CDH26: variants seen among roughly 807,000 people sequenced by gnomAD.
CDH26 encodes cadherin-like protein 26.
Under a neutral mutation model 90.3 loss-of-function variants are expected in CDH26, and 83 were observed. That is an observed-to-expected ratio of 0.92 (90% CI 0.77 to 1.10). The LOEUF is 1.10. Among genes scored for constraint, CDH26 ranks in the 50% least tolerant of loss-of-function variants. The pLI is 0.00. For missense variants in CDH26, 1,013 were observed against 1,037.6 expected (o/e 0.98, Z 0.33); for synonymous variants, 397 against 396.3 (o/e 1.00, Z -0.02).
chr20:59,966,676 T>C (rs146520441), intron 1 of CDH26, among the ~76,000 whole-genome samples: 1,676 of 152,308 alleles, frequency 0.011, 11 homozygotes, highest in South Asian at 0.046. Flanking sequence ...GACAGCAAAA[T>C]AGGCAAACAA....
chr20:59,992,333 T>A lies in CDH26; in HGVS notation c.1284-45T>A. On this transcript the variant is annotated intron_variant, in intron 9 of 17. Transcript: ENST00000348616. This position sits in a 1 kb window ranked among gnomAD's most constrained non-coding sequence, Gnocchi z 5.0. ...TATGCAACTTTTTTATCTTTTAATG[T>A]AAGTTTTTAATTTTAAAAATTGCTG... is the stretch of plus-strand genomic sequence containing the variant. 6.3e-7 allele frequency: 1 copy of A among 1,577,108 alleles called. No individual in the cohort carries two copies. The highest frequency in any genetic ancestry group is 8.6e-7 in the Non-Finnish European group (1 of 1,163,074).
intron 4 of CDH26, among the ~76,000 whole-genome samples, chr20:59,980,800 T>C (rs1460234524): frequency 6.6e-6 from 1 of 152,256 alleles, no homozygotes; most frequent in Non-Finnish European, 1.5e-5. Context: ...TTTTCTCTTC[T>C]GGATCATGTT....
At chr20:60,035,449 T>C (rs1268671472), downstream of CDH26, among the ~76,000 whole-genome samples, 2 of 152,190 alleles carry the variant, frequency 1.3e-5, no homozygotes, top group African/African-American at 2.4e-5. Flanking sequence ...TTAAAAAGGG[T>C]CTGTAATTTT....
Position 59,996,057 on chromosome 20 carries a change from C to G in CDH26, c.1888+3C>G, listed in dbSNP as rs1425386557. ...TGCAGCATTTGTGGCTCTGGCAGGTCAGTGGTCTGTAGGGGTGTCCTGGGA... is the reference window on the plus strand; with the variant it reads ...TGCAGCATTTGTGGCTCTGGCAGGTGAGTGGTCTGTAGGGGTGTCCTGGGA... On this transcript the variant is annotated splice_donor_region_variant and intron_variant, in intron 12 of 17. Coordinates refer to ENST00000348616, the MANE Select transcript of CDH26 (RefSeq NM_177980.4). 2 of 1,611,576 alleles carry G rather than the reference C, an allele frequency of 1.2e-6. No homozygotes were observed. The highest frequency in any genetic ancestry group is 1.7e-5 in the Admixed American group (1 of 60,014).
intron 7 of CDH26, among the ~76,000 whole-genome samples, chr20:60,025,618 G>A (rs188399478): frequency 2.0e-5 from 3 of 152,300 alleles, no homozygotes; most frequent in South Asian, 2.1e-4. Flanking sequence ...AGATGAACTC[G>A]TTACCTGAGG....
intron 4 of CDH26, among the ~76,000 whole-genome samples, chr20:59,973,458 A>G (rs1183974721): frequency 6.6e-6 from 1 of 152,132 alleles, no homozygotes; most frequent in Non-Finnish European, 1.5e-5. Context: ...GTAAACTTGT[A>G]TAATGAGGGT....
intron 3 of CDH26, among the ~76,000 whole-genome samples, chr20:59,970,809 AAAATAAATAAATAAATAAAT>A (rs34187396): frequency 8.3e-5 from 12 of 144,024 alleles, no homozygotes; most frequent in East Asian, 2.1e-4. Flanking sequence ...CTCTGTCTCA[AAAATAAATAAATAAATAAAT>A]AAATAAATAA....
At chr20:60,016,036 T>G (rs2061902871), downstream of CDH26, among the ~76,000 whole-genome samples, 1 of 152,198 alleles carries the variant, frequency 6.6e-6, no homozygotes, top group African/African-American at 2.4e-5. Context: ...TTGTAGTATA[T>G]TTTGAAGTCT....
chr20:59,969,961 C>T (rs1010966741), intron 2 of CDH26, 121 bp from the exon 3 acceptor site: 77 of 1,416,142 alleles, frequency 5.4e-5, no homozygotes, highest in East Asian at 1.5e-4. Context: ...GCTGTTCTGG[C>T]GATGAGAGAA....
intron 8 of CDH26, 23 bp downstream of exon 8, chr20:59,987,661 C>A: frequency 6.3e-7 from 1 of 1,582,154 alleles, no homozygotes; most frequent in South Asian, 1.2e-5. Context: ...CGGTGACATA[C>A]CAACCAGTTA....
At chr20:60,023,631 C>T (rs915057967) in intron 7 of CDH26, among the ~76,000 whole-genome samples, 3 of 151,948 alleles carry the variant, frequency 2.0e-5, no homozygotes, top group African/African-American at 7.2e-5. Flanking sequence ...GAGAGCTGGA[C>T]TTTGGCTACT....
intron 1 of CDH26, among the ~76,000 whole-genome samples, chr20:59,964,357 A>T (rs1443533776): frequency 2.0e-5 from 3 of 152,236 alleles, no homozygotes; most frequent in Non-Finnish European, 4.4e-5. Context: ...CCATGCAATC[A>T]TATGTCTGCC....
chr20:60,001,958 C>A (rs557753828), intron 15 of CDH26, among the ~76,000 whole-genome samples: 5 of 152,312 alleles, frequency 3.3e-5, no homozygotes, highest in Admixed American at 3.3e-4. Context: ...TCTTATGTAA[C>A]CCTACTCCAT....
chr20:60,002,479 C>A (rs1292571790), intron 15 of CDH26, among the ~76,000 whole-genome samples: 2 of 152,032 alleles, frequency 1.3e-5, no homozygotes, highest in Non-Finnish European at 2.9e-5. Context: ...TCATCTTGCA[C>A]TGAGCCCTGA....
rs151321335 is a variant in CDH26 at position 59,960,637 on chromosome 20, T to C, written c.69+1842T>C. Reference sequence around the variant, plus strand: ...CAGTGTCACCCTTCTTATTGATCTTTGTAGCCAAAGATAATTATTTCAAAA... The same window carrying C: ...CAGTGTCACCCTTCTTATTGATCTTCGTAGCCAAAGATAATTATTTCAAAA... On this transcript the variant is annotated intron_variant, in intron 1 of 17. Coordinates refer to ENST00000348616, the MANE Select transcript of CDH26 (RefSeq NM_177980.4). Among the ~76,000 whole-genome samples the C allele has an allele frequency of 4.3e-3, 651 of 152,372 alleles. 3 individuals carry two copies. The highest frequency in any genetic ancestry group is 0.014 in the Middle Eastern group (4 of 294).
chr20:59,970,809 A>AAAATAAATAAATAAAT (rs34187396), intron 3 of CDH26, among the ~76,000 whole-genome samples: 1 of 144,024 alleles, frequency 6.9e-6, no homozygotes, highest in Non-Finnish European at 1.5e-5. Flanking sequence ...CTCTGTCTCA[A>AAAATAAATAAATAAAT]AAATAAATAA....
At chr20:60,031,201 T>A in intron 7 of CDH26, 12 of 1,074,092 alleles carry the variant, frequency 1.1e-5, no homozygotes, top group Non-Finnish European at 1.4e-5. Flanking sequence ...GAGAACCTTC[T>A]AATGAGCACC....
In CDH26 at chr20:59,985,069, C is replaced by T; in HGVS notation, c.777C>T (p.Thr259=). The T allele has an allele frequency of 6.2e-7, 1 of 1,614,020 alleles. No individual in the cohort carries two copies. Among genetic ancestry groups the T allele is most frequent in the Non-Finnish European group, 8.5e-7 (1 of 1,179,938 alleles). The change falls in exon 7 of 18, where the codon ACC becomes ACT. Residue 259 remains threonine (T), a synonymous_variant. Coordinates refer to ENST00000348616, the MANE Select transcript of CDH26 (RefSeq NM_177980.4). ...GAGAACCGTCACTGTCATCCACGAC[C>T]ACCGTTCACGTGGATGTGCAAGAAG... The part of the protein sequence containing the change: ...DCGEPSLSST[T]TVHVDVQEGN...
intron 13 of CDH26, among the ~76,000 whole-genome samples, chr20:59,997,985 G>A (rs1315061221): frequency 6.6e-6 from 1 of 152,268 alleles, no homozygotes; most frequent in Non-Finnish European, 1.5e-5. Flanking sequence ...GCACCCTCCT[G>A]TGAGCCCTTC....
Sources: allele counts gnomAD v4.1 joint callset (sites outside exome capture counted in the v4.1 genomes callset), GRCh38; gene constraint gnomAD v4.1.1; non-coding constraint Gnocchi (gnomAD v3.1); transcripts MANE v1.5; gene names NCBI Gene and HGNC (gene_info 2026-07-23, HGNC 2026-07-21).